Variants in LRRC36 observed in about 807,000 individuals in gnomAD.
LRRC36 encodes leucine-rich repeat-containing protein 36.
In LRRC36, 62 loss-of-function variants were observed where a neutral mutation model predicts 81.1. The ratio of observed to expected loss-of-function variants is 0.76; its 90% CI spans 0.62 to 0.94. The LOEUF (loss-of-function observed/expected upper bound fraction) is 0.94, where lower values mean the gene tolerates loss of function less well. Ranked by LOEUF, LRRC36 falls within the 40% of genes least tolerant of loss-of-function variation. LRRC36 has a pLI of 0.00. For synonymous variants in LRRC36, 334 were observed against 348.6 expected (o/e 0.96, Z 0.47); for missense variants, 761 against 881.7 (o/e 0.86, Z 1.73).
intron 1 of LRRC36, among the ~76,000 whole-genome samples, chr16:67,341,516 C>T (rs1044925969): frequency 1.3e-5 from 2 of 151,852 alleles, no homozygotes; most frequent in East Asian, 1.9e-4. Flanking sequence ...CTGTCTGGCT[C>T]TATTTTTCTG....
In LRRC36 at chr16:67,385,143, C is replaced by A; in HGVS notation, c.*54C>A. On this transcript the variant is annotated 3_prime_UTR_variant, in exon 14 of 14. Coordinates refer to ENST00000329956, the MANE Select transcript of LRRC36 (RefSeq NM_018296.6). ...CCCTGGTCCACAGAGGCTCTCACCGCCATTGCCACCAGTATGGTGGTATGT... is the reference window on the plus strand; with the variant it reads ...CCCTGGTCCACAGAGGCTCTCACCGACATTGCCACCAGTATGGTGGTATGT... 7.5e-7 allele frequency: 1 copy of A among 1,334,194 alleles called. No homozygotes were observed. The highest frequency in any genetic ancestry group is 1.1e-6 in the Non-Finnish European group (1 of 932,522). 82.6% of individuals were successfully genotyped at this position (1,334,194 alleles called of 1,614,324 possible). A position where few individuals can be genotyped will look rare whatever the true frequency, so the allele number is the denominator to read the frequency against.
chr16:67,360,175 G>T (rs78747446), intron 5 of LRRC36, among the ~76,000 whole-genome samples: 5,136 of 151,978 alleles, frequency 0.034, 137 homozygotes, highest in South Asian at 0.069. Flanking sequence ...TTGTGTGCAG[G>T]TACTCATTGG....
At chr16:67,375,526 ACATCC>A in intron 10 of LRRC36, 114 bp downstream of exon 10, 4 of 717,536 alleles carry the variant, frequency 5.6e-6, no homozygotes, top group Non-Finnish European at 8.6e-6. Flanking sequence ...TCTCATGATC[ACATCC>A]TGAAACATCT....
At chr16:67,371,348 T>C in intron 9 of LRRC36, 106 bp downstream of exon 9, 2 of 1,342,362 alleles carry the variant, frequency 1.5e-6, no homozygotes, top group East Asian at 4.7e-5. Context: ...GGGCTAGAAA[T>C]TCAAAGAGAT....
chr16:67,333,037 G>C lies in LRRC36; in HGVS notation c.70+6105G>C, dbSNP rs561105447. Among the ~76,000 whole-genome samples the C allele has an allele frequency of 2.0e-5, 3 of 152,090 alleles. No individual in the cohort carries two copies. The South Asian group carries it at 6.2e-4, about 32-fold the overall frequency. On this transcript the variant is annotated intron_variant, in intron 1 of 13. Transcript: ENST00000329956. Reference sequence around the variant, plus strand: ...CTACTGAGTAGCTGGGACTACAGGTGTGCACCACCATGCCCAGCTAATTTT... The same window carrying C: ...CTACTGAGTAGCTGGGACTACAGGTCTGCACCACCATGCCCAGCTAATTTT...
chr16:67,329,939 T>C (rs146201955), intron 1 of LRRC36, among the ~76,000 whole-genome samples: 2 of 152,132 alleles, frequency 1.3e-5, no homozygotes, highest in East Asian at 3.9e-4. Context: ...AAAATAAGAA[T>C]CCGTATATGG....
intron 1 of LRRC36, among the ~76,000 whole-genome samples, chr16:67,336,901 A>G (rs2037790688): frequency 1.3e-5 from 2 of 151,774 alleles, no homozygotes; most frequent in South Asian, 4.2e-4. Context: ...CCAAGTAGCT[A>G]GGACTACTGG....
chr16:67,376,640 G>C, intron 10 of LRRC36, 87 bp from the exon 11 acceptor site: 1 of 1,361,920 alleles, frequency 7.3e-7, no homozygotes, highest in Non-Finnish European at 1.0e-6. Context: ...TAGCCTATTT[G>C]ATCCAGAGAG....
At position 67,346,348 on chromosome 16, in the gene LRRC36, C is replaced by A; in HGVS notation, c.291C>A (p.Pro97=). The A allele has an allele frequency of 1.9e-6, 3 of 1,612,860 alleles. No individual in the cohort carries two copies. Among genetic ancestry groups the A allele is most frequent in the Non-Finnish European group, 2.5e-6 (3 of 1,178,940 alleles). The change falls in exon 3 of 14, where the codon CCC becomes CCA. Residue 97 remains proline (P), a synonymous_variant. Transcript: ENST00000329956. ...AAGTGTCCCGTCTACAACCGTTACC[C>A]TTCCTCAAAGAACTGGATTTGAGAC... ...LVEVSRLQPL[P]FLKELDLRLN...
chr16:67,348,611 C>T (rs2038468498), intron 4 of LRRC36: 1 of 152,138 alleles, frequency 6.6e-6, no homozygotes, highest in Non-Finnish European at 1.5e-5. Context: ...AGGTGCACAC[C>T]ACTGCCTAGC....
At chr16:67,384,708 C>A (rs535480560) in intron 13 of LRRC36, among the ~76,000 whole-genome samples, 162 bp from the exon 14 acceptor site, 1 of 152,160 alleles carries the variant, frequency 6.6e-6, no homozygotes, top group Admixed American at 6.5e-5. Context: ...AATGAAGAAA[C>A]TTTAAGTCTG....
chr16:67,355,675 T>C (rs1188944982), intron 5 of LRRC36, among the ~76,000 whole-genome samples: 4 of 151,754 alleles, frequency 2.6e-5, no homozygotes, highest in Non-Finnish European at 5.9e-5. Flanking sequence ...CGCCCGGTCT[T>C]TTAAGATGTC....
chr16:67,366,177 A>G (rs2039376204), intron 7 of LRRC36, among the ~76,000 whole-genome samples: 1 of 151,244 alleles, frequency 6.6e-6, no homozygotes, highest in Non-Finnish European at 1.5e-5. Context: ...TTTTGAGACA[A>G]GTTCTCAATC....
intron 5 of LRRC36, among the ~76,000 whole-genome samples, chr16:67,354,028 C>T (rs1185886741): frequency 3.3e-5 from 5 of 152,138 alleles, no homozygotes; most frequent in African/African-American, 1.2e-4. Context: ...GTCTAAACTC[C>T]TTTACTTGGT....
chr16:67,366,262 A>G (rs2039380805), intron 7 of LRRC36, among the ~76,000 whole-genome samples: 1 of 151,930 alleles, frequency 6.6e-6, no homozygotes, highest in South Asian at 2.1e-4. Context: ...GGCTCAAGCA[A>G]TCCTCCCACC....
At chr16:67,351,649 G>A (rs2038642549) in intron 5 of LRRC36, among the ~76,000 whole-genome samples, 1 of 152,206 alleles carries the variant, frequency 6.6e-6, no homozygotes, top group Non-Finnish European at 1.5e-5. Flanking sequence ...GGAGGTTGCA[G>A]TGAGCCCAGA....
intron 1 of LRRC36, among the ~76,000 whole-genome samples, chr16:67,332,971 A>G (rs1363616554): frequency 1.3e-5 from 2 of 151,962 alleles, no homozygotes; most frequent in Non-Finnish European, 2.9e-5. Context: ...GGCTCACTGC[A>G]GTCCCGACCT....
chr16:67,331,293 G>T (rs2037479703), intron 1 of LRRC36, among the ~76,000 whole-genome samples: 1 of 152,150 alleles, frequency 6.6e-6, no homozygotes, highest in Non-Finnish European at 1.5e-5. Flanking sequence ...ACTTTGGAAG[G>T]CCAGGGAGGA....
chr16:67,367,103 A>G lies in LRRC36; in HGVS notation c.841A>G (p.Asn281Asp). 6.2e-7 allele frequency: 1 copy of G among 1,614,158 alleles called. No individual in the cohort carries two copies. ...AGGGTACCAAGTATCTTTTTTGGAC[A>G]ATAAGTCTTCAGGTTCTTCTCCAGA... ...REGYQVSFLD[N>D]KSSGSSPEKE... Residue 281 changes from asparagine (N) to aspartate (D), a missense_variant, in exon 8 of 14, where the codon AAT (asparagine) becomes GAT (aspartate). This residue lies in a region of LRRC36 where 139 missense variants were observed against 214.0 expected (regional missense o/e 0.65). Coordinates refer to ENST00000329956, the MANE Select transcript of LRRC36 (RefSeq NM_018296.6).
Sources: gnomAD v4.1 joint callset for allele counts (sites outside exome capture counted in the v4.1 genomes callset) on GRCh38, gnomAD v4.1.1 for gene constraint, gnomAD v4.1.1 regional missense constraint, MANE v1.5 for transcripts, NCBI Gene and HGNC (gene_info 2026-07-23, HGNC 2026-07-21) for gene names.